Variants in ZSCAN12 observed in about 807,000 individuals in gnomAD.
ZSCAN12 encodes the protein zinc finger and SCAN domain containing 12, also known as zinc finger and SCAN domain-containing protein 12.
A neutral mutation model predicts 23.4 loss-of-function variants in ZSCAN12; 18 were observed. That is an observed-to-expected ratio of 0.77 (90% CI 0.53 to 1.14). The LOEUF (loss-of-function observed/expected upper bound fraction) is 1.14, where lower values mean the gene tolerates loss of function less well. Ranked by LOEUF, ZSCAN12 falls within the 50% of genes most tolerant of loss-of-function variation. ZSCAN12 has a pLI of 0.00. For missense variants in ZSCAN12, 650 were observed against 735.0 expected, an observed-to-expected ratio of 0.88 and a Z score of 1.34; for synonymous variants, 186 against 253.4, an observed-to-expected ratio of 0.73 and a Z score of 2.53.
chr6:28,383,048 A>G (rs1760353969), downstream of ZSCAN12, among the ~76,000 whole-genome samples: 1 of 152,196 alleles, frequency 6.6e-6, no homozygotes, highest in African/African-American at 2.4e-5. Flanking sequence ...GTAGACACTT[A>G]TAATCTCACT....
chr6:28,393,736 C>CAAA (rs60481063), intron 2 of ZSCAN12, among the ~76,000 whole-genome samples: 43 of 90,722 alleles, frequency 4.7e-4, no homozygotes, highest in African/African-American at 1.0e-3. Flanking sequence ...ACTGTAGCTC[C>CAAA]AAAAAAAAAA....
intron 2 of ZSCAN12, among the ~76,000 whole-genome samples, chr6:28,394,621 C>T (rs1761015136): frequency 6.6e-6 from 1 of 152,178 alleles, no homozygotes; most frequent in African/African-American, 2.4e-5. Context: ...CCATTATATG[C>T]CCCTGCAGTG....
downstream of ZSCAN12, chr6:28,382,504 G>A: frequency 1.3e-6 from 2 of 1,551,990 alleles, no homozygotes; most frequent in Non-Finnish European, 1.7e-6. Flanking sequence ...GATCTCTCCT[G>A]AAACAAGATT....
chr6:28,398,860 G>A (rs1057327234), intron 1 of ZSCAN12, among the ~76,000 whole-genome samples: 1 of 149,530 alleles, frequency 6.7e-6, no homozygotes, highest in Non-Finnish European at 1.5e-5. Flanking sequence ...GTGAACCCGG[G>A]AGGCGGAGCT....
chr6:28,386,576 G>C lies in ZSCAN12; in HGVS notation c.*3878C>G, dbSNP rs1581766325. ...TTCTCTCTTCACTGCATTCCCTAATGTAGCACTCCTATTCCATATCTAACA... is the reference window on the plus strand; with the variant it reads ...TTCTCTCTTCACTGCATTCCCTAATCTAGCACTCCTATTCCATATCTAACA... On this transcript the variant is annotated 3_prime_UTR_variant, in exon 4 of 4. Transcript: ENST00000684592. 6.6e-6 allele frequency among the ~76,000 whole-genome samples: 1 copy of C among 152,152 alleles called. No homozygotes were observed. Among genetic ancestry groups the C allele is most frequent in the African/African-American group, 2.4e-5 (1 of 41,428 alleles).
chr6:28,382,149 A>G (rs1556957), downstream of ZSCAN12: 11,968 of 177,890 alleles, frequency 0.067, 472 homozygotes, highest in South Asian at 0.17. Context: ...TTCCAGCATC[A>G]TCGATTGCCT....
At chr6:28,382,995 A>G (rs28505234), downstream of ZSCAN12, among the ~76,000 whole-genome samples, 13 of 92,448 alleles carry the variant, frequency 1.4e-4, no homozygotes, top group South Asian at 9.8e-4. Flanking sequence ...AAATAACAAC[A>G]GCTAATATTT....
In ZSCAN12 at chr6:28,391,441, A is replaced by G; in HGVS notation, c.849T>C (p.Phe283=). 6.4e-7 allele frequency: 1 copy of G among 1,551,744 alleles called. No homozygotes were observed. Among genetic ancestry groups the G allele is most frequent in the Non-Finnish European group, 8.7e-7 (1 of 1,146,950 alleles). Residue 283 remains phenylalanine (F), a synonymous_variant, in exon 4 of 4, where the codon TTT becomes TTC. Transcript: ENST00000684592. This position sits in a 1 kb window ranked among gnomAD's most constrained non-coding sequence, Gnocchi z 4.1. ...GTTCTATGAGGTGTGAGTGCTGACTAAAAGCTTTTCCACAGTCATCACATC... is the reference window on the plus strand; with the variant it reads ...GTTCTATGAGGTGTGAGTGCTGACTGAAAGCTTTTCCACAGTCATCACATC... ...SYGCDDCGKA[F]SQHSHLIEHQ... is the part of the protein sequence containing the mutation.
intron 2 of ZSCAN12, among the ~76,000 whole-genome samples, chr6:28,393,880 T>C (rs2113989129): frequency 6.6e-6 from 1 of 152,276 alleles, no homozygotes; most frequent in South Asian, 2.1e-4. Flanking sequence ...CCCACTTCTC[T>C]CTGGGAAGAT....
downstream of ZSCAN12, chr6:28,382,355 C>T (rs1392808497): frequency 3.0e-6 from 4 of 1,339,420 alleles, no homozygotes; most frequent in Non-Finnish European, 3.9e-6. Context: ...CCCAAGTCTT[C>T]TGACAGCTCT....
rs369910447 is a variant in ZSCAN12, at chr6:28,391,625, C to G, written c.665G>C (p.Arg222Thr). 1.3e-5 allele frequency: 20 copies of G among 1,552,104 alleles called. No homozygotes were observed. The highest frequency in any genetic ancestry group is 1.6e-5 in the Non-Finnish European group (18 of 1,147,120). Residue 222 changes from arginine to threonine, a missense_variant, in exon 4 of 4, where the codon AGG (arginine) becomes ACG (threonine). Arg to Thr is a moderately conservative substitution (Grantham distance 71). Coordinates refer to ENST00000684592, the MANE Select transcript of ZSCAN12 (RefSeq NM_001163391.2). This position sits in a 1 kb window ranked among gnomAD's most constrained non-coding sequence, Gnocchi z 4.1. ...KFENDMSKSA[R>T]CGETREPEEI... ...TTCAGGTTCACGAGTTTCTCCACACCTAGCAGACTTGGACATATCATTTTC... is the reference window on the plus strand; with the variant it reads ...TTCAGGTTCACGAGTTTCTCCACACGTAGCAGACTTGGACATATCATTTTC...
rs1038685484 is a variant in ZSCAN12, at chr6:28,385,381, G to A, written c.*5073C>T. 6.6e-6 allele frequency among the ~76,000 whole-genome samples: 1 copy of A among 152,188 alleles called. No individual in the cohort carries two copies. ...TTTATGCTGGCCAAACCTCATCCAA[G>A]ATTTGGTATGCAGAGGGGGTGATAA... On this transcript the variant is annotated 3_prime_UTR_variant, in exon 4 of 4. Coordinates refer to ENST00000684592, the MANE Select transcript of ZSCAN12 (RefSeq NM_001163391.2).
chr6:28,381,249 T>C (rs149288153), downstream of ZSCAN12: 2 of 152,382 alleles, frequency 1.3e-5, no homozygotes, highest in South Asian at 4.1e-4. Flanking sequence ...AAAAGGACTA[T>C]TTCTACTCAC....
intron 3 of ZSCAN12, among the ~76,000 whole-genome samples, chr6:28,392,158 ATTTGT>A (rs995086054): frequency 1.3e-5 from 2 of 150,894 alleles, no homozygotes; most frequent in Non-Finnish European, 3.0e-5. Context: ...ATTTTGCAAC[ATTTGT>A]TTTATTATTT....
chr6:28,393,472 TA>T (rs35790801), intron 2 of ZSCAN12, among the ~76,000 whole-genome samples: 18,758 of 111,748 alleles, frequency 0.17, 1,366 homozygotes, highest in African/African-American at 0.24. Context: ...AGAGAAATGA[TA>T]AAAAAAAAAA....
intron 1 of ZSCAN12, among the ~76,000 whole-genome samples, chr6:28,398,761 C>CAAAA (rs775480746): frequency 1.4e-5 from 1 of 72,784 alleles, no homozygotes; most frequent in Admixed American, 1.6e-4. Flanking sequence ...ACTAAAAATA[C>CAAAA]AAAAAAAAAA....
chr6:28,390,486 T>C lies in ZSCAN12; in HGVS notation c.1804A>G (p.Ile602Val), dbSNP rs991947032. 4.5e-6 allele frequency: 7 copies of C among 1,548,470 alleles called. No homozygotes were observed. Among genetic ancestry groups the C allele is most frequent in the Non-Finnish European group, 6.1e-6 (7 of 1,145,736 alleles). ...QNSALTQHQT[I>V]HKGEKSVSV The stretch of plus-strand genomic sequence containing the variant: ...GAAACAGATTTTTCTCCTTTGTGGA[T>C]AGTCTGATGTTGAGTAAGAGCTGAG... Residue 602 changes from isoleucine to valine, a missense_variant, in exon 4 of 4, where the codon ATC (isoleucine) becomes GTC (valine). Coordinates refer to ENST00000684592, the MANE Select transcript of ZSCAN12 (RefSeq NM_001163391.2).
rs754098837 is a variant in ZSCAN12, at chr6:28,390,756, G to C, written c.1534C>G (p.Leu512Val). Reference sequence around the variant, plus strand: ...GTGTGGATTCTCTGATGTTCCGTGAGGACTGATCTTTGAGTAAACGCCTTC... The same window carrying C: ...GTGTGGATTCTCTGATGTTCCGTGACGACTGATCTTTGAGTAAACGCCTTC... ...CGKAFTQRSV[L>V]TEHQRIHTGE... Residue 512 changes from leucine to valine, a missense_variant, in exon 4 of 4, where the codon CTC becomes GTC. Physicochemically the swap from Leu to Val is conservative, Grantham distance 32 (BLOSUM62 1). Transcript: ENST00000684592. 1 of 1,609,704 alleles carries C rather than the reference G, an allele frequency of 6.2e-7. No homozygotes were observed. Among genetic ancestry groups the C allele is most frequent in the South Asian group, 1.1e-5 (1 of 90,416 alleles).
chr6:28,386,664 A>C lies in ZSCAN12; in HGVS notation c.*3790T>G, dbSNP rs1760555577. Among the ~76,000 whole-genome samples the C allele has an allele frequency of 6.6e-6, 1 of 152,192 alleles. No individual in the cohort carries two copies. Among genetic ancestry groups the C allele is most frequent in the African/African-American group, 2.4e-5 (1 of 41,444 alleles). On this transcript the variant is annotated 3_prime_UTR_variant, in exon 4 of 4. Transcript: ENST00000684592. ...TGCCTATATTGCCAATTTAGCTCCA[A>C]TTAGTAGCCTTATTCTACTATATTT...
Sources: gnomAD v4.1 joint callset for allele counts (sites outside exome capture counted in the v4.1 genomes callset) on GRCh38, gnomAD v4.1.1 for gene constraint, Gnocchi (gnomAD v3.1) non-coding constraint, MANE v1.5 for transcripts, NCBI Gene and HGNC (gene_info 2026-07-23, HGNC 2026-07-21) for gene names.